The following CACNA1G variants were observed in gnomAD, a reference collection of about 807,000 sequenced individuals.
CACNA1G encodes the protein calcium voltage-gated channel subunit alpha1 G, also known as voltage-dependent T-type calcium channel subunit alpha-1G.
CACNA1G carries 67 observed loss-of-function variants against 219.4 expected under a neutral mutation model. That is an observed-to-expected ratio of 0.31 (90% CI 0.25 to 0.37). The LOEUF (loss-of-function observed/expected upper bound fraction) is 0.37. CACNA1G is among the 10% of genes least tolerant of loss of function. The probability of loss-of-function intolerance (pLI) is 1.00; values close to 1 mark genes in which losing one functional copy is unlikely to be tolerated. For synonymous variants in CACNA1G, 1,296 were observed against 1,345.3 expected, an observed-to-expected ratio of 0.96 and a Z score of 0.80; for missense variants, 2,380 against 3,231.4, an observed-to-expected ratio of 0.74 and a Z score of 6.39.
In CACNA1G at chr17:50,623,898, CT is replaced by C. The variant is rs747153236; in HGVS notation, c.6061-5del. On this transcript the variant is annotated splice_polypyrimidine_tract_variant and splice_region_variant and intron_variant, in intron 35 of 37. Transcript: ENST00000359106. Reference sequence around the variant, plus strand: ...CTTCCTCCACCTCCCTCCCCTGTTCCTTTTGCAGATGCAGCCCCACCCCACG... The same window carrying C: ...CTTCCTCCACCTCCCTCCCCTGTTCCTTTGCAGATGCAGCCCCACCCCACG... 1 of 1,604,196 alleles carries C rather than the reference CT, an allele frequency of 6.2e-7. No homozygotes were observed. The highest frequency in any genetic ancestry group is 1.7e-5 in the Admixed American group (1 of 59,870).
intron 26 of CACNA1G, among the ~76,000 whole-genome samples, chr17:50,610,814 C>T (rs116836401): frequency 6.6e-4 from 101 of 152,288 alleles, no homozygotes; most frequent in African/African-American, 2.2e-3. Flanking sequence ...TAATCAGAGG[C>T]GCATCTAATT....
rs756683620 is a variant in CACNA1G, at chr17:50,605,972, G to A, written c.4371G>A (p.Glu1457=). The A allele has an allele frequency of 1.9e-6, 3 of 1,613,880 alleles. No individual in the cohort carries two copies. The South Asian group carries it at 3.3e-5, about 18-fold the overall frequency. Residue 1457 remains glutamate (E), a synonymous_variant, in exon 23 of 38, where the codon GAG becomes GAA. Coordinates refer to ENST00000359106, the MANE Select transcript of CACNA1G (RefSeq NM_018896.5). Reference sequence around the variant, plus strand: ...TCACCAATAAATCGGACTGTGCCGAGGCCAGTTACCGGTGGGTCCGGCACA... The same window carrying A: ...TCACCAATAAATCGGACTGTGCCGAAGCCAGTTACCGGTGGGTCCGGCACA... ...RNITNKSDCA[E]ASYRWVRHKY...
intron 9 of CACNA1G, among the ~76,000 whole-genome samples, chr17:50,582,609 G>T (rs1395054305): frequency 1.3e-5 from 2 of 152,162 alleles, no homozygotes; most frequent in Admixed American, 1.3e-4. Flanking sequence ...GTCCTGCCTG[G>T]CTCTGCACTG....
chr17:50,606,423 T>G (rs570419862), intron 23 of CACNA1G: 6 of 594,938 alleles, frequency 1.0e-5, no homozygotes, highest in Non-Finnish European at 1.8e-5. Flanking sequence ...GGCCTCAGTT[T>G]CATTAACTGG....
chr17:50,607,065 A>G lies in CACNA1G; in HGVS notation c.4512+76A>G, dbSNP rs777150920. The G allele has an allele frequency of 5.0e-5, 60 of 1,189,568 alleles. 1 individual carries two copies. The highest frequency in any genetic ancestry group is 3.3e-4 in the Admixed American group (19 of 57,486). The allele number at this position is 1,189,568 out of a possible 1,614,324, so 73.7% of individuals were successfully genotyped here. Reference sequence around the variant, plus strand: ...GGGCTGATTCCAGGACAGAAAGAGCAAGGCAGGGTGGCAAAATGCCATGAA... The same window carrying G: ...GGGCTGATTCCAGGACAGAAAGAGCGAGGCAGGGTGGCAAAATGCCATGAA... On this transcript the variant is annotated intron_variant, in intron 24 of 37. Transcript: ENST00000359106.
chr17:50,624,324 T>TGCCCCCCCCCCCCCCCCCCCGGCCC, intron 36 of CACNA1G, 36 bp from the exon 37 acceptor site: 2 of 1,177,660 alleles, frequency 1.7e-6, no homozygotes, highest in Non-Finnish European at 1.2e-6. Context: ...CTCCATTCTC[T>TGCCCCCCCCCCCCCCCCCCCGGCCC]CCCCCCACCC....
chr17:50,604,631 C>T (rs1345724590), intron 22 of CACNA1G, among the ~76,000 whole-genome samples: 1 of 152,232 alleles, frequency 6.6e-6, no homozygotes, highest in Non-Finnish European at 1.5e-5. Context: ...CAGTGGGCTG[C>T]AGGCCAGGTC....
chr17:50,606,828 TG>T (rs1567714798), intron 23 of CACNA1G, 71 bp from the exon 24 acceptor site: 1 of 1,105,652 alleles, frequency 9.0e-7, no homozygotes, highest in Non-Finnish European at 1.4e-6. Context: ...GGAGGCACTT[TG>T]GGGGCAGGTG....
chr17:50,570,205 C>T (rs570175152), intron 4 of CACNA1G, among the ~76,000 whole-genome samples: 10 of 152,272 alleles, frequency 6.6e-5, no homozygotes, highest in African/African-American at 2.4e-4. Context: ...TGGTGAGACA[C>T]GCTGGCCACG....
At chr17:50,589,894 T>TTCTCTCTCTCTC (rs35679930) in intron 9 of CACNA1G, among the ~76,000 whole-genome samples, 1 of 138,834 alleles carries the variant, frequency 7.2e-6, no homozygotes, top group African/African-American at 2.8e-5. Flanking sequence ...GCGTGCATTT[T>TTCTCTCTCTCTC]TCTCTCTCTC....
chr17:50,585,447 C>T (rs1185698080), intron 9 of CACNA1G, among the ~76,000 whole-genome samples: 1 of 152,170 alleles, frequency 6.6e-6, no homozygotes, highest in Non-Finnish European at 1.5e-5. Context: ...TATCATGTCA[C>T]CTACACCCCA....
chr17:50,566,766 G>GAT (rs2037991582), intron 1 of CACNA1G, among the ~76,000 whole-genome samples: 1 of 152,182 alleles, frequency 6.6e-6, no homozygotes, highest in Non-Finnish European at 1.5e-5. Context: ...TCCGTGCCAG[G>GAT]CACTACAGCA....
intron 1 of CACNA1G, among the ~76,000 whole-genome samples, chr17:50,564,464 T>C (rs921190707): frequency 4.7e-5 from 2 of 42,486 alleles, no homozygotes; most frequent in Non-Finnish European, 8.9e-5. Context: ...AGAGGGGGAG[T>C]GGGAGGGGGG....
rs2053901764 is a variant in CACNA1G at position 50,626,851 on chromosome 17, A to G, written c.*100A>G. On this transcript the variant is annotated 3_prime_UTR_variant, in exon 38 of 38. Coordinates refer to ENST00000359106, the MANE Select transcript of CACNA1G (RefSeq NM_018896.5). The surrounding 1 kb of genome is among the most constrained non-coding windows in gnomAD (Gnocchi z 4.3). ...TGACAAAAGTTCCATATAGACACCA[A>G]GGAGGCGGAGGCGCTCCTCCCTGCC... The G allele has an allele frequency of 1.4e-6, 2 of 1,466,922 alleles. No individual in the cohort carries two copies. Among genetic ancestry groups the G allele is most frequent in the African/African-American group, 2.8e-5 (2 of 72,038 alleles). 90.9% of individuals were successfully genotyped at this position (1,466,922 alleles called of 1,614,324 possible). A position where few individuals can be genotyped will look rare whatever the true frequency, so the allele number is the denominator to read the frequency against.
chr17:50,584,288 C>T (rs773642406), intron 9 of CACNA1G, among the ~76,000 whole-genome samples: 1 of 151,902 alleles, frequency 6.6e-6, no homozygotes, highest in Non-Finnish European at 1.5e-5. Context: ...GTGGAGGGAG[C>T]GGGCTTAGAC....
intron 26 of CACNA1G, among the ~76,000 whole-genome samples, chr17:50,614,011 G>A (rs1423111515): frequency 1.3e-5 from 2 of 152,230 alleles, no homozygotes; most frequent in African/African-American, 4.8e-5. Context: ...AGAGTGCCGG[G>A]GACTGTCTGC....
chr17:50,578,412 G>A lies in CACNA1G; in HGVS notation c.2149G>A (p.Gly717Ser), dbSNP rs370781662. 9.1e-5 allele frequency: 147 copies of A among 1,613,226 alleles called. No individual in the cohort carries two copies. Among genetic ancestry groups the A allele is most frequent in the Non-Finnish European group, 1.2e-4 (145 of 1,179,794 alleles). ...DPHSRRQRSL[G>S]PDAEPSSVLA... Reference sequence around the variant, plus strand: ...CCACAGCCGGCGGCAACGGAGCCTGGGCCCAGATGCAGAGCCCAGCTCTGT... The same window carrying A: ...CCACAGCCGGCGGCAACGGAGCCTGAGCCCAGATGCAGAGCCCAGCTCTGT... The change falls in exon 9 of 38, where the codon GGC (glycine) becomes AGC (serine). Residue 717 changes from glycine (G) to serine (S), a missense_variant. This residue lies in a region of CACNA1G where 434 missense variants were observed against 417.3 expected (regional missense o/e 1.04). Coordinates refer to ENST00000359106, the MANE Select transcript of CACNA1G (RefSeq NM_018896.5). This position sits in a 1 kb window ranked among gnomAD's most constrained non-coding sequence, Gnocchi z 4.5.
Position 50,576,276 on chromosome 17 carries a change from C to T in CACNA1G, c.1874C>T (p.Pro625Leu), listed in dbSNP as rs1179944579. 6 of 1,586,054 alleles carry T rather than the reference C, an allele frequency of 3.8e-6. No individual in the cohort carries two copies. The East Asian group carries it at 1.4e-4, about 37-fold the overall frequency. The change falls in exon 8 of 38, where the codon CCA (proline) becomes CTA (leucine). Residue 625 changes from proline to leucine, a missense_variant. Pro to Leu is a moderately conservative substitution (Grantham distance 98, BLOSUM62 -3). Coordinates refer to ENST00000359106, the MANE Select transcript of CACNA1G (RefSeq NM_018896.5). ...CCAACCCTCACCAGCCTCAACATCC[C>T]ACCCGGGCCCTACAGCTCCATGCAC... ...GPPTLTSLNI[P>L]PGPYSSMHKL...
At position 50,599,665 on chromosome 17, in the gene CACNA1G, C is replaced by T. The variant is rs372375481; in HGVS notation, c.3496C>T (p.Arg1166Trp). 42 of 1,612,834 alleles carry T rather than the reference C, an allele frequency of 2.6e-5. No homozygotes were observed. The highest frequency in any genetic ancestry group is 2.5e-4 in the Admixed American group (15 of 59,856). ...CCATCGCCACAGGGGGTCCCTGGAGCGGGAGGCCAAGAGTTCCTTTGACCT... is the reference window on the plus strand; with the variant it reads ...CCATCGCCACAGGGGGTCCCTGGAGTGGGAGGCCAAGAGTTCCTTTGACCT... ...SDHRHRGSLEREAKSSFDLPD... is the reference protein window; with the variant it reads ...SDHRHRGSLEWEAKSSFDLPD... The change falls in exon 17 of 38, where the codon CGG becomes TGG. Residue 1166 changes from arginine to tryptophan, a missense_variant. By Grantham distance (101) the Arg-to-Trp change is moderately radical. This residue lies in a region of CACNA1G where 418 missense variants were observed against 434.3 expected (regional missense o/e 0.96). Transcript: ENST00000359106.
Sources: gnomAD v4.1 joint callset for allele counts (sites outside exome capture counted in the v4.1 genomes callset) on GRCh38, gnomAD v4.1.1 for gene constraint, gnomAD v4.1.1 regional missense constraint, Gnocchi (gnomAD v3.1) non-coding constraint, MANE v1.5 for transcripts, NCBI Gene and HGNC (gene_info 2026-07-23, HGNC 2026-07-21) for gene names.